STRIP2: variants seen among roughly 807,000 people sequenced by gnomAD.
STRIP2 encodes the protein striatin interacting protein 2.
Under a neutral mutation model 107.1 loss-of-function variants are expected in STRIP2, and 84 were observed. That is an observed-to-expected ratio of 0.78 (90% CI 0.66 to 0.94). STRIP2 has a LOEUF of 0.94. STRIP2 is among the 40% of genes least tolerant of loss of function. STRIP2 has a pLI of 0.00. For missense variants in STRIP2, 888 were observed against 1,034.2 expected, an observed-to-expected ratio of 0.86 and a Z score of 1.94; for synonymous variants, 394 against 400.4, an observed-to-expected ratio of 0.98 and a Z score of 0.19.
chr7:129,443,363 C>T (rs1562894949), intron 2 of STRIP2, among the ~76,000 whole-genome samples: 1 of 152,156 alleles, frequency 6.6e-6, no homozygotes, highest in Non-Finnish European at 1.5e-5. Context: ...TTTTATTTCT[C>T]ATAAGCTTTT....
At chr7:129,485,431 A>T in intron 20 of STRIP2, 148 bp from the exon 21 acceptor site, 1 of 843,054 alleles carries the variant, frequency 1.2e-6, no homozygotes, top group Non-Finnish European at 1.8e-6. Flanking sequence ...CATGCTGTAT[A>T]CTAACTTCAT....
At chr7:129,443,909 T>G in intron 2 of STRIP2, 115 bp from the exon 3 acceptor site, 1 of 759,832 alleles carries the variant, frequency 1.3e-6, no homozygotes, top group Non-Finnish European at 2.3e-6. Flanking sequence ...TAGCTTTGGA[T>G]TCATTGGACA....
intron 4 of STRIP2, among the ~76,000 whole-genome samples, chr7:129,452,564 G>GT (rs966538595): frequency 1.3e-5 from 2 of 152,152 alleles, no homozygotes; most frequent in African/African-American, 2.4e-5. Context: ...ATTTATCTAA[G>GT]TTTTTTAAAA....
chr7:129,480,968 A>G, intron 19 of STRIP2, 79 bp downstream of exon 19: 1 of 1,127,378 alleles, frequency 8.9e-7, no homozygotes, highest in Non-Finnish European at 1.3e-6. Context: ...TTTGTGTGCT[A>G]CCTGGTTTGT....
In STRIP2 at chr7:129,480,326, G is replaced by A. The variant is rs999242271; in HGVS notation, c.1945-459G>A. Among the ~76,000 whole-genome samples the A allele has an allele frequency of 2.6e-5, 4 of 152,148 alleles. No homozygotes were observed. In the South Asian group the frequency reaches 6.2e-4, roughly 24 times the overall value. Reference sequence around the variant, plus strand: ...ACTGTAATATGGTTTGATAAAGGAGGGTGAAGGTTGATAAGATAAAAAAAA... The same window carrying A: ...ACTGTAATATGGTTTGATAAAGGAGAGTGAAGGTTGATAAGATAAAAAAAA... On this transcript the variant is annotated intron_variant, in intron 18 of 20. Coordinates refer to ENST00000249344, the MANE Select transcript of STRIP2 (RefSeq NM_020704.3).
At chr7:129,473,360 AT>A (rs1259275218) in intron 18 of STRIP2, among the ~76,000 whole-genome samples, 3 of 151,910 alleles carry the variant, frequency 2.0e-5, no homozygotes, top group Admixed American at 6.6e-5. Flanking sequence ...CTAGAGGACA[AT>A]TTTTTTCTTT....
chr7:129,453,457 C>A, intron 5 of STRIP2, 110 bp downstream of exon 5: 3 of 1,335,136 alleles, frequency 2.2e-6, no homozygotes, highest in South Asian at 2.9e-5. Flanking sequence ...GGAACTGGGT[C>A]TACTCACACC....
chr7:129,482,729 C>G (rs62489116), intron 19 of STRIP2, 113 bp from the exon 20 acceptor site: 56,852 of 1,259,282 alleles, frequency 0.045, 1,488 homozygotes, highest in Non-Finnish European at 0.053. Context: ...ACCATAGATT[C>G]CTGAAAGCTC....
chr7:129,472,474 T>C (rs1337578240), intron 18 of STRIP2, among the ~76,000 whole-genome samples: 1 of 152,178 alleles, frequency 6.6e-6, no homozygotes, highest in Non-Finnish European at 1.5e-5. Context: ...TCCTGAAAAA[T>C]AGTCATGCTA....
At position 129,464,645 on chromosome 7, in the gene STRIP2, C is replaced by T. The variant is rs776405776; in HGVS notation, c.1683C>T (p.Ile561=). The stretch of plus-strand genomic sequence containing the variant: ...TTCTCCAGAGCATGAAGCTGGGCAT[C>T]GATGTGAACAGGCACAAGGAGATTA... ...ITVLQSMKLG[I]DVNRHKEIIV... Residue 561 remains isoleucine (I), a synonymous_variant, in exon 16 of 21, where the codon ATC becomes ATT. Transcript: ENST00000249344. 9.9e-6 allele frequency: 16 copies of T among 1,613,880 alleles called. No homozygotes were observed. The highest frequency in any genetic ancestry group is 1.6e-4 in the Middle Eastern group (1 of 6,084).
chr7:129,484,729 A>G (rs1348809935), intron 20 of STRIP2: 2 of 152,246 alleles, frequency 1.3e-5, no homozygotes, highest in African/African-American at 4.8e-5. Flanking sequence ...AACTTCTGCT[A>G]TAAGACATAA....
At chr7:129,450,045 T>A (rs1798140981) in intron 3 of STRIP2, among the ~76,000 whole-genome samples, 1 of 152,220 alleles carries the variant, frequency 6.6e-6, no homozygotes, top group Non-Finnish European at 1.5e-5. Flanking sequence ...GTCAAATGCA[T>A]TTATTTTGCA....
chr7:129,460,022 T>C (rs1222889404), intron 12 of STRIP2, among the ~76,000 whole-genome samples: 2 of 152,186 alleles, frequency 1.3e-5, no homozygotes, highest in African/African-American at 4.8e-5. Flanking sequence ...TGTTTCTGAC[T>C]TCCCCTTGCA....
At chr7:129,451,093 C>G (rs1444657305) in intron 3 of STRIP2, among the ~76,000 whole-genome samples, 1 of 151,494 alleles carries the variant, frequency 6.6e-6, no homozygotes, top group African/African-American at 2.4e-5. Flanking sequence ...CCCGCCACTA[C>G]GCCCGGCTAA....
rs939624232 is a variant in STRIP2, at chr7:129,461,688, A to C, written c.1477-1278A>C. ...AGTGACCTTGATAAGAACAACTCTAAGTGAAGTAGTGGGACTGAAAGCCTA... is the reference window on the plus strand; with the variant it reads ...AGTGACCTTGATAAGAACAACTCTACGTGAAGTAGTGGGACTGAAAGCCTA... On this transcript the variant is annotated intron_variant, in intron 13 of 20. Transcript: ENST00000249344. The surrounding 1 kb of genome is among the most constrained non-coding windows in gnomAD (Gnocchi z 4.0). Among the ~76,000 whole-genome samples the C allele has an allele frequency of 6.6e-6, 1 of 152,220 alleles. No individual in the cohort carries two copies. Among genetic ancestry groups the C allele is most frequent in the Non-Finnish European group, 1.5e-5 (1 of 68,040 alleles).
rs753369608 is a variant in STRIP2 at position 129,487,509 on chromosome 7, CA to C, written c.*1684del. 1.3e-5 allele frequency: 2 copies of C among 152,134 alleles called. No individual in the cohort carries two copies. The highest frequency in any genetic ancestry group is 2.9e-5 in the Non-Finnish European group (2 of 68,028). 9.4% of individuals were successfully genotyped at this position (152,134 alleles called of 1,614,324 possible). A position where few individuals can be genotyped will look rare whatever the true frequency, so the allele number is the denominator to read the frequency against. ...TTGACAGTATCCAAAGGAGCTATAC[CA>C]AAATCTAACAAGTAAATTTTGGATT... On this transcript the variant is annotated 3_prime_UTR_variant, in exon 21 of 21. Transcript: ENST00000249344.
Position 129,440,077 on chromosome 7 carries a change from C to T in STRIP2, c.185C>T (p.Ala62Val). The stretch of plus-strand genomic sequence containing the variant: ...GAGTATGGAGATGCAGATGGGCATG[C>T]AGCCGAGTTGTCAGGTATGAGGTAG... The part of the protein sequence containing the change: ...EFEYGDADGH[A>V]AELSELYSYT... Residue 62 changes from alanine (A) to valine (V), a missense_variant, in exon 2 of 21, where the codon GCA (alanine) becomes GTA (valine). Physicochemically the swap from Ala to Val is moderately conservative, Grantham distance 64 (BLOSUM62 0). Coordinates refer to ENST00000249344, the MANE Select transcript of STRIP2 (RefSeq NM_020704.3). 1 of 1,614,038 alleles carries T rather than the reference C, an allele frequency of 6.2e-7. No homozygotes were observed.
In STRIP2 at chr7:129,455,993, CTAGT is replaced by C. The variant is rs747526856; in HGVS notation, c.835-443_835-440del. On this transcript the variant is annotated intron_variant, in intron 8 of 20. Transcript: ENST00000249344. ...TAAATATGTGGTTACATTTCTGTTA[CTAGT>C]TATTCAACCTGATCCTTCATTTTTG... Among the ~76,000 whole-genome samples the C allele has an allele frequency of 5.3e-5, 8 of 152,222 alleles. No homozygotes were observed. In the East Asian group the frequency reaches 1.3e-3, roughly 26 times the overall value.
chr7:129,454,186 C>G lies in STRIP2; in HGVS notation c.575C>G (p.Ser192Cys). ...AGTGCCCTTCGGAAACCAGCTGTCT[C>G]CATAGCTGATAGCACAGAGCTCAGG... Reference protein sequence around the residue: ...CSSALRKPAVSIADSTELRVL... With the variant: ...CSSALRKPAVCIADSTELRVL... Residue 192 changes from serine (S) to cysteine (C), a missense_variant, in exon 6 of 21, where the codon TCC becomes TGC. Physicochemically the swap from Ser to Cys is moderately radical, Grantham distance 112. Coordinates refer to ENST00000249344, the MANE Select transcript of STRIP2 (RefSeq NM_020704.3). The G allele has an allele frequency of 6.2e-7, 1 of 1,614,166 alleles. No individual in the cohort carries two copies. Among genetic ancestry groups the G allele is most frequent in the Non-Finnish European group, 8.5e-7 (1 of 1,180,028 alleles).
Sources: gnomAD v4.1 joint callset for allele counts (sites outside exome capture counted in the v4.1 genomes callset) on GRCh38, gnomAD v4.1.1 for gene constraint, Gnocchi (gnomAD v3.1) non-coding constraint, MANE v1.5 for transcripts, NCBI Gene and HGNC (gene_info 2026-07-23, HGNC 2026-07-21) for gene names.